FHIT: variants seen among roughly 807,000 people sequenced by gnomAD.
FHIT encodes bis(5'-adenosyl)-triphosphatase.
A neutral mutation model predicts 17.9 loss-of-function variants in FHIT; 19 were observed. The ratio of observed to expected loss-of-function variants is 1.06; its 90% CI spans 0.74 to 1.56. The LOEUF (loss-of-function observed/expected upper bound fraction) is 1.56. Ranked by LOEUF, FHIT falls within the 40% of genes most tolerant of loss-of-function variation. The pLI is 0.00. For missense variants in FHIT, 248 were observed against 189.2 expected (o/e 1.31, Z -1.82); for synonymous variants, 81 against 69.7 (o/e 1.16, Z -0.81).
At chr3:60,862,947 C>G (rs75164205) in intron 3 of FHIT, among the ~76,000 whole-genome samples, 3,125 of 151,818 alleles carry the variant, frequency 0.021, 112 homozygotes, top group African/African-American at 0.072. Flanking sequence ...ATCAAGGTTA[C>G]TAGTCAACCG....
intron 7 of FHIT, 59 bp from the exon 8 acceptor site, chr3:59,922,473 G>C: frequency 2.1e-6 from 3 of 1,412,806 alleles, no homozygotes; most frequent in African/African-American, 1.4e-5. Context: ...TTTTAGACTT[G>C]ACAGTGATGC....
At chr3:60,434,146 T>A (rs2029990830) in intron 5 of FHIT, among the ~76,000 whole-genome samples, 2 of 152,136 alleles carry the variant, frequency 1.3e-5, no homozygotes, top group African/African-American at 4.8e-5. Context: ...ATTACTTTAA[T>A]GACAGTGGGT....
At chr3:60,626,465 G>C (rs543277913) in intron 4 of FHIT, among the ~76,000 whole-genome samples, 31 of 152,006 alleles carry the variant, frequency 2.0e-4, no homozygotes, top group African/African-American at 7.2e-4. Context: ...TATTCTTTTT[G>C]ATGCCCTCAT....
At chr3:60,622,050 C>T (rs1212473537) in intron 4 of FHIT, among the ~76,000 whole-genome samples, 1 of 152,022 alleles carries the variant, frequency 6.6e-6, no homozygotes, top group African/African-American at 2.4e-5. Flanking sequence ...TTGTTATCCC[C>T]ATCTTAGAGG....
At chr3:60,487,995 A>T (rs2033912178) in intron 5 of FHIT, among the ~76,000 whole-genome samples, 1 of 152,198 alleles carries the variant, frequency 6.6e-6, no homozygotes, top group Admixed American at 6.5e-5. Context: ...TCAGCTATTT[A>T]CAAGACCATC....
chr3:60,245,020 C>G (rs868197352), intron 5 of FHIT, among the ~76,000 whole-genome samples: 1 of 151,872 alleles, frequency 6.6e-6, no homozygotes, highest in Non-Finnish European at 1.5e-5. Flanking sequence ...TTGTGTTTAG[C>G]GGCAGCAGCT....
At chr3:60,446,883 A>G (rs2031372866) in intron 5 of FHIT, among the ~76,000 whole-genome samples, 1 of 148,188 alleles carries the variant, frequency 6.7e-6, no homozygotes, top group Admixed American at 6.8e-5. Context: ...AATAATAATA[A>G]TAATAATAAT....
intron 2 of FHIT, among the ~76,000 whole-genome samples, chr3:61,102,213 T>G (rs2035854706): frequency 6.6e-6 from 1 of 152,230 alleles, no homozygotes. Context: ...GTTCTTATTA[T>G]TTTGAGATAC....
intron 5 of FHIT, among the ~76,000 whole-genome samples, chr3:60,231,158 G>A (rs1704476866): frequency 6.6e-6 from 1 of 152,130 alleles, no homozygotes; most frequent in South Asian, 2.1e-4. Context: ...GAAATGGGAG[G>A]AAAAATTTTT....
chr3:60,013,734 A>G (rs1700227820), intron 6 of FHIT, among the ~76,000 whole-genome samples: 1 of 152,178 alleles, frequency 6.6e-6, no homozygotes, highest in African/African-American at 2.4e-5. Context: ...CCAGTAAGCA[A>G]TTTGGAATGT....
intron 3 of FHIT, among the ~76,000 whole-genome samples, chr3:60,893,602 C>T (rs1347114130): frequency 6.6e-6 from 1 of 152,160 alleles, no homozygotes; most frequent in African/African-American, 2.4e-5. Flanking sequence ...AGATTTGCCA[C>T]AGATGTAGGC....
intron 3 of FHIT, among the ~76,000 whole-genome samples, chr3:60,984,419 A>G (rs1332019035): frequency 1.3e-5 from 2 of 152,202 alleles, no homozygotes; most frequent in Non-Finnish European, 2.9e-5. Flanking sequence ...ACACCCACCC[A>G]AATGTTCAGA....
At chr3:60,962,705 T>C (rs1367546900) in intron 3 of FHIT, among the ~76,000 whole-genome samples, 2 of 152,218 alleles carry the variant, frequency 1.3e-5, no homozygotes, top group African/African-American at 4.8e-5. Context: ...TTTTTGTCTT[T>C]GGTTCTGTTT....
chr3:60,614,071 C>T (rs149474916), intron 4 of FHIT, among the ~76,000 whole-genome samples: 4 of 151,940 alleles, frequency 2.6e-5, no homozygotes, highest in Non-Finnish European at 5.9e-5. Flanking sequence ...ACAAGGCAAG[C>T]AAAGTGGCAG....
chr3:60,526,969 C>A (rs1053680999), intron 5 of FHIT, among the ~76,000 whole-genome samples: 1 of 152,174 alleles, frequency 6.6e-6, no homozygotes, highest in Non-Finnish European at 1.5e-5. Flanking sequence ...GTATCCTCTC[C>A]CTTTGCGGTT....
intron 8 of FHIT, among the ~76,000 whole-genome samples, chr3:59,879,659 G>A (rs1813201): frequency 0.35 from 52,846 of 151,948 alleles, 11,279 homozygotes; most frequent in Admixed American, 0.47. Flanking sequence ...ACGTAGGGTC[G>A]AATAAATGAA....
chr3:60,717,195 T>G (rs1453466906), intron 4 of FHIT, among the ~76,000 whole-genome samples: 1 of 152,032 alleles, frequency 6.6e-6, no homozygotes, highest in African/African-American at 2.4e-5. Flanking sequence ...AAAGTTTGAG[T>G]TAAGCAAGAT....
rs564704373 is a variant in FHIT, at chr3:60,113,783, C to T, written c.104-99631G>A. On this transcript the variant is annotated intron_variant, in intron 5 of 9. Transcript: ENST00000492590. ...TTGGGAGGCCGAGGCGAGCGGATCA[C>T]GAGGTGAGGAGATCGAGACCATCCT... Among the ~76,000 whole-genome samples, 19 of 150,218 alleles carry T rather than the reference C, an allele frequency of 1.3e-4. No homozygotes were observed. In the South Asian group the frequency reaches 1.7e-3, roughly 13 times the overall value.
At chr3:59,770,058 AC>A (rs1702005299) in intron 8 of FHIT, among the ~76,000 whole-genome samples, 1 of 152,296 alleles carries the variant, frequency 6.6e-6, no homozygotes, top group Admixed American at 6.5e-5. Context: ...ACAAAACTAA[AC>A]AAAACACAGA....
Sources: allele counts gnomAD v4.1 joint callset (sites outside exome capture counted in the v4.1 genomes callset), GRCh38; gene constraint gnomAD v4.1.1; transcripts MANE v1.5; gene names NCBI Gene and HGNC (gene_info 2026-07-23, HGNC 2026-07-21).